Variants in IGFL2 observed in about 807,000 individuals in gnomAD.
The protein encoded by IGFL2 is IGF like family member 2, also known as insulin growth factor-like family member 2.
A neutral mutation model predicts 13.9 loss-of-function variants in IGFL2; 7 were observed. The ratio of observed to expected loss-of-function variants is 0.51; its 90% CI spans 0.29 to 0.95. The LOEUF is 0.95. IGFL2 is among the 40% of genes least tolerant of loss of function. The pLI is 0.08. For missense variants in IGFL2, 138 were observed against 147.8 expected, an observed-to-expected ratio of 0.93 and a Z score of 0.34; for synonymous variants, 55 against 55.8, an observed-to-expected ratio of 0.99 and a Z score of 0.07.
the IGFL2 span, among the ~76,000 whole-genome samples, chr19:46,194,091 C>G: frequency 6.6e-6 from 1 of 152,078 alleles, no homozygotes; most frequent in East Asian, 1.9e-4. Flanking sequence ...GAGCTGGGCT[C>G]TACGGGACAC....
the IGFL2 span, among the ~76,000 whole-genome samples, chr19:46,187,724 A>T: frequency 6.6e-6 from 1 of 150,570 alleles, no homozygotes; most frequent in African/African-American, 2.5e-5. Flanking sequence ...GACGGTGAGC[A>T]TTAACCCATT....
the IGFL2 span, chr19:46,123,894 G>C: frequency 6.2e-7 from 1 of 1,610,226 alleles, no homozygotes; most frequent in Non-Finnish European, 8.5e-7. Context: ...ACCTGGTACA[G>C]CTCCGGGAGA....
intron 1 of IGFL2, among the ~76,000 whole-genome samples, chr19:46,151,868 C>T (rs10406436): frequency 0.029 from 4,362 of 152,196 alleles, 199 homozygotes; most frequent in African/African-American, 0.097. Context: ...GTCATGATCA[C>T]GCCACTGCAC....
the IGFL2 span, among the ~76,000 whole-genome samples, chr19:46,105,650 G>C: frequency 2.6e-5 from 4 of 152,202 alleles, no homozygotes; most frequent in African/African-American, 9.7e-5. Flanking sequence ...GGGGCAGAAA[G>C]TATATGCATC....
chr19:46,120,706 C>A, the IGFL2 span, among the ~76,000 whole-genome samples: 1 of 150,884 alleles, frequency 6.6e-6, no homozygotes, highest in Non-Finnish European at 1.5e-5. Context: ...GAGAAATTTA[C>A]CAAGGAGATA....
chr19:46,129,404 G>A, the IGFL2 span, among the ~76,000 whole-genome samples: 3 of 149,522 alleles, frequency 2.0e-5, no homozygotes, highest in East Asian at 2.0e-4. Context: ...GTCTTCTGCC[G>A]GCTTTGGGGT....
chr19:46,115,975 ACT>A, the IGFL2 span, among the ~76,000 whole-genome samples: 1 of 149,824 alleles, frequency 6.7e-6, no homozygotes, highest in African/African-American at 2.5e-5. Flanking sequence ...AGGGGCTGCC[ACT>A]CTCTGTTCTC....
At chr19:46,212,521 C>CT in the IGFL2 span, 9 of 152,132 alleles carry the variant, frequency 5.9e-5, no homozygotes, top group Admixed American at 5.9e-4. Flanking sequence ...TCTGTTTTTT[C>CT]GTCCTGACCC....
the IGFL2 span, among the ~76,000 whole-genome samples, chr19:46,174,437 A>G: frequency 6.6e-6 from 1 of 152,202 alleles, no homozygotes; most frequent in Non-Finnish European, 1.5e-5. Context: ...AACAAAAACT[A>G]CATAGAGGGA....
intron 1 of IGFL2, chr19:46,149,079 G>T: frequency 6.6e-7 from 1 of 1,513,680 alleles, no homozygotes; most frequent in Non-Finnish European, 9.1e-7. Flanking sequence ...GTTTTGTTGT[G>T]TGTATTCCAT....
the IGFL2 span, among the ~76,000 whole-genome samples, chr19:46,116,187 C>A: frequency 6.6e-6 from 1 of 152,088 alleles, no homozygotes. Context: ...CCCATTAACT[C>A]GTAATTTACA....
chr19:46,101,242 T>TG, the IGFL2 span: 3 of 152,424 alleles, frequency 2.0e-5, no homozygotes, highest in African/African-American at 7.2e-5. Flanking sequence ...ACACTCTAGT[T>TG]GTCCCTTGGT....
upstream of IGFL2, among the ~76,000 whole-genome samples, chr19:46,144,444 GATATCGTATC>G (rs769286165): frequency 2.2e-4 from 34 of 152,002 alleles, no homozygotes; most frequent in Admixed American, 1.4e-3. Flanking sequence ...ATCATTGGTT[GATATCGTATC>G]ATATCGTATC....
At chr19:46,170,933 C>A in the IGFL2 span, among the ~76,000 whole-genome samples, 1 of 152,132 alleles carries the variant, frequency 6.6e-6, no homozygotes, top group Non-Finnish European at 1.5e-5. Context: ...ACCTTGTGAT[C>A]TCGCCCTGAC....
the IGFL2 span, among the ~76,000 whole-genome samples, chr19:46,169,546 G>C: frequency 1.3e-5 from 2 of 152,136 alleles, no homozygotes; most frequent in African/African-American, 4.8e-5. Flanking sequence ...AAAACTAGGA[G>C]TAATTGTATG....
At chr19:46,210,381 T>G in the IGFL2 span, 3 of 152,306 alleles carry the variant, frequency 2.0e-5, no homozygotes, top group Non-Finnish European at 4.4e-5. Context: ...TCGAGGGCAG[T>G]GAGAGCCAGG....
chr19:46,099,502 C>T, the IGFL2 span, among the ~76,000 whole-genome samples: 31 of 150,708 alleles, frequency 2.1e-4, no homozygotes, highest in East Asian at 4.1e-3. Flanking sequence ...TCATAGTTCT[C>T]GGAGGTTTTG....
chr19:46,081,659 A>T, the IGFL2 span, among the ~76,000 whole-genome samples: 2 of 152,172 alleles, frequency 1.3e-5, no homozygotes, highest in Non-Finnish European at 2.9e-5. Flanking sequence ...GGAAGACTCC[A>T]CAAGGACATG....
At chr19:46,090,902 G>A in the IGFL2 span, among the ~76,000 whole-genome samples, 1 of 152,190 alleles carries the variant, frequency 6.6e-6, no homozygotes, top group Non-Finnish European at 1.5e-5. Context: ...GGAAGATCCA[G>A]TATTAGGGTC....
Sources: gnomAD v4.1 joint callset for allele counts (sites outside exome capture counted in the v4.1 genomes callset) on GRCh38, gnomAD v4.1.1 for gene constraint, MANE v1.5 for transcripts, NCBI Gene and HGNC (gene_info 2026-07-23, HGNC 2026-07-21) for gene names.